Variants in SLCO3A1 observed in about 807,000 individuals in gnomAD.
The protein encoded by SLCO3A1 is solute carrier organic anion transporter family member 3A1, also known as PGE1 transporter.
Under a neutral mutation model 63.1 loss-of-function variants are expected in SLCO3A1, and 27 were observed. The observed-to-expected ratio is 0.43, with a 90% CI of 0.32 to 0.59. The LOEUF (loss-of-function observed/expected upper bound fraction) is 0.59. Ranked by LOEUF, SLCO3A1 falls within the 20% of genes least tolerant of loss-of-function variation. SLCO3A1 has a pLI of 0.09. For synonymous variants in SLCO3A1, 473 were observed against 409.9 expected (o/e 1.15, Z -1.86); for missense variants, 773 against 945.8 (o/e 0.82, Z 2.40).
intron 7 of SLCO3A1, among the ~76,000 whole-genome samples, chr15:92,129,015 G>T (rs560699670): frequency 6.6e-6 from 1 of 152,088 alleles, no homozygotes. Flanking sequence ...CCTGCTTAGC[G>T]TGGATTTTAC....
chr15:92,052,279 T>C (rs1234723893), intron 2 of SLCO3A1, among the ~76,000 whole-genome samples: 1 of 152,136 alleles, frequency 6.6e-6, no homozygotes, highest in Non-Finnish European at 1.5e-5. Context: ...CTCTCTCCAC[T>C]TTGAGCCTCT....
rs1900898362 is a variant in SLCO3A1 at position 91,972,102 on chromosome 15, CTATA to C, written c.646+55647_646+55650del. ...CTATATCTTGGATAATGAGAATTGA[CTATA>C]TAAAGGGGTGAGGGAGAGGGTTTTA... On this transcript the variant is annotated intron_variant, in intron 2 of 9. Coordinates refer to ENST00000318445, the MANE Select transcript of SLCO3A1 (RefSeq NM_013272.4). Among the ~76,000 whole-genome samples the C allele has an allele frequency of 2.0e-5, 3 of 151,942 alleles. No homozygotes were observed. In the South Asian group the frequency reaches 6.2e-4, roughly 32 times the overall value.
At chr15:92,038,268 C>T (rs1394405097) in intron 2 of SLCO3A1, among the ~76,000 whole-genome samples, 1 of 152,130 alleles carries the variant, frequency 6.6e-6, no homozygotes, top group African/African-American at 2.4e-5. Context: ...TGTGTAAAGG[C>T]ACTAGGTAAG....
chr15:91,991,818 A>G (rs1338119079), intron 2 of SLCO3A1, among the ~76,000 whole-genome samples: 2 of 152,254 alleles, frequency 1.3e-5, no homozygotes, highest in African/African-American at 2.4e-5. Context: ...GATGAGGAAC[A>G]AGAATTAATT....
intron 2 of SLCO3A1, among the ~76,000 whole-genome samples, chr15:91,973,049 A>G (rs758249418): frequency 3.9e-5 from 6 of 152,194 alleles, no homozygotes; most frequent in Non-Finnish European, 8.8e-5. Flanking sequence ...CGGGAGGCAG[A>G]GGTTGCAGTG....
chr15:91,869,531 A>AG (rs1228067564), intron 1 of SLCO3A1, among the ~76,000 whole-genome samples: 1 of 150,616 alleles, frequency 6.6e-6, no homozygotes, highest in Non-Finnish European at 1.5e-5. Flanking sequence ...GGAAAAAAAA[A>AG]AAAATTAAAA....
Position 92,016,543 on chromosome 15 carries a change from C to T in SLCO3A1, c.647-78338C>T, listed in dbSNP as rs987945628. Among the ~76,000 whole-genome samples, 3 of 152,098 alleles carry T rather than the reference C, an allele frequency of 2.0e-5. No individual in the cohort carries two copies. In the South Asian group the frequency reaches 6.2e-4, roughly 32 times the overall value. ...AATCTCTATGGCCTTTGTAAGTTGA[C>T]ATGGAGGTAGGTAGTGTGCAGCACG... On this transcript the variant is annotated intron_variant, in intron 2 of 9. Transcript: ENST00000318445.
chr15:92,074,213 A>G (rs2047249706), intron 2 of SLCO3A1, among the ~76,000 whole-genome samples: 2 of 152,180 alleles, frequency 1.3e-5, no homozygotes, highest in African/African-American at 2.4e-5. Context: ...CCAGCCTGTC[A>G]TGTGTCAGAA....
At chr15:92,141,834 G>A (rs1350808807) in intron 7 of SLCO3A1, among the ~76,000 whole-genome samples, 2 of 152,120 alleles carry the variant, frequency 1.3e-5, no homozygotes, top group African/African-American at 4.8e-5. Flanking sequence ...GGGCTCTTAT[G>A]TCACACAAGC....
intron 2 of SLCO3A1, among the ~76,000 whole-genome samples, chr15:92,079,960 C>T (rs1212992563): frequency 1.3e-5 from 2 of 152,264 alleles, no homozygotes; most frequent in African/African-American, 4.8e-5. Context: ...AGAATGCGGG[C>T]CCTTCAGGAA....
At chr15:92,131,376 T>TC (rs1170141762) in intron 7 of SLCO3A1, among the ~76,000 whole-genome samples, 8 of 140,958 alleles carry the variant, frequency 5.7e-5, no homozygotes, top group African/African-American at 2.1e-4. Flanking sequence ...TTTTTTTTTT[T>TC]TTTTTTGAGA....
chr15:92,007,100 A>G (rs971630786), intron 2 of SLCO3A1, among the ~76,000 whole-genome samples: 2 of 152,240 alleles, frequency 1.3e-5, no homozygotes, highest in African/African-American at 4.8e-5. Flanking sequence ...ACTGACACGC[A>G]GGAGGACTAC....
At chr15:92,024,984 A>ACCAG (rs949979986) in intron 2 of SLCO3A1, among the ~76,000 whole-genome samples, 13 of 151,734 alleles carry the variant, frequency 8.6e-5, no homozygotes, top group East Asian at 1.9e-4. Context: ...CATCCAGCCA[A>ACCAG]CCAGCCAGCC....
chr15:91,910,239 T>G (rs528178944), intron 1 of SLCO3A1, among the ~76,000 whole-genome samples: 2 of 152,154 alleles, frequency 1.3e-5, no homozygotes, highest in Non-Finnish European at 2.9e-5. Flanking sequence ...TAATTGATCT[T>G]TGTTGCATCC....
rs959271694 is a variant in SLCO3A1 at position 91,912,380 on chromosome 15, C to T, written c.181-3613C>T. ...ACTGGCATTGCAGCCCAGCAGAAGGCCACAGGTCAAGGAGGGAAAGACCGT... is the reference window on the plus strand; with the variant it reads ...ACTGGCATTGCAGCCCAGCAGAAGGTCACAGGTCAAGGAGGGAAAGACCGT... On this transcript the variant is annotated intron_variant, in intron 1 of 9. Transcript: ENST00000318445. The surrounding 1 kb of genome is among the most constrained non-coding windows in gnomAD (Gnocchi z 5.0). Among the ~76,000 whole-genome samples, 2 of 152,198 alleles carry T rather than the reference C, an allele frequency of 1.3e-5. No individual in the cohort carries two copies. The highest frequency in any genetic ancestry group is 3.9e-4 in the East Asian group (2 of 5,184).
chr15:92,010,362 C>T (rs1010472742), intron 2 of SLCO3A1, among the ~76,000 whole-genome samples: 13 of 152,134 alleles, frequency 8.5e-5, no homozygotes, highest in African/African-American at 3.1e-4. Flanking sequence ...TATTAAAGCC[C>T]CTAGGCAGTT....
Position 92,150,548 on chromosome 15 carries a change from T to C in SLCO3A1, c.1689-402T>C, listed in dbSNP as rs530958446. Among the ~76,000 whole-genome samples the C allele has an allele frequency of 2.0e-5, 3 of 152,294 alleles. No individual in the cohort carries two copies. In the East Asian group the frequency reaches 5.8e-4, roughly 29 times the overall value. On this transcript the variant is annotated intron_variant, in intron 8 of 9. Transcript: ENST00000318445. ...AAAGGTGCTCATGGTTTCAGCTTGTTTGTGAAGGATAAGGGGAATTATTTT... is the reference window on the plus strand; with the variant it reads ...AAAGGTGCTCATGGTTTCAGCTTGTCTGTGAAGGATAAGGGGAATTATTTT...
At chr15:92,167,109 A>AGAT (rs1478001482), downstream of SLCO3A1, among the ~76,000 whole-genome samples, 1 of 152,242 alleles carries the variant, frequency 6.6e-6, no homozygotes, top group Non-Finnish European at 1.5e-5. Context: ...GATTTGGTTT[A>AGAT]GATGAGGGAA....
chr15:92,066,359 G>A (rs188545168), intron 2 of SLCO3A1, among the ~76,000 whole-genome samples: 12 of 152,268 alleles, frequency 7.9e-5, no homozygotes, highest in Middle Eastern at 3.4e-3. Context: ...CTCAAAAATC[G>A]GAGAAAATTG....
Sources: allele counts gnomAD v4.1 joint callset (sites outside exome capture counted in the v4.1 genomes callset), GRCh38; gene constraint gnomAD v4.1.1; non-coding constraint Gnocchi (gnomAD v3.1); transcripts MANE v1.5; gene names NCBI Gene and HGNC (gene_info 2026-07-23, HGNC 2026-07-21).